Variants in MAGI2 observed in about 807,000 individuals in gnomAD.
MAGI2 encodes the protein membrane associated guanylate kinase, WW and PDZ domain containing 2.
MAGI2 carries 35 observed loss-of-function variants against 133.3 expected under a neutral mutation model. The observed-to-expected ratio is 0.26, with a 90% CI of 0.20 to 0.35. The LOEUF is 0.35. Among genes scored for constraint, MAGI2 ranks in the 10% least tolerant of loss-of-function variants. The pLI, the probability that MAGI2 is intolerant of heterozygous loss-of-function variation, is 1.00. For synonymous variants in MAGI2, 729 were observed against 710.6 expected (o/e 1.03, Z -0.41); for missense variants, 1,636 against 1,863.4 (o/e 0.88, Z 2.25).
In MAGI2 at chr7:79,453,548, G is replaced by A; in HGVS notation, c.-228C>T. 7.6e-7 allele frequency: 1 copy of A among 1,314,502 alleles called. No individual in the cohort carries two copies. The highest frequency in any genetic ancestry group is 9.7e-7 in the Non-Finnish European group (1 of 1,034,724). 81.4% of individuals were successfully genotyped at this position (1,314,502 alleles called of 1,614,324 possible). Reference sequence around the variant, plus strand: ...GGTAGGAGAGCTTGGATGAGGTTGTGCTGTCCCTTGAATGACACTCAAGGC... The same window carrying A: ...GGTAGGAGAGCTTGGATGAGGTTGTACTGTCCCTTGAATGACACTCAAGGC... On this transcript the variant is annotated 5_prime_UTR_variant, in exon 1 of 22. Transcript: ENST00000354212.
At chr7:78,600,432 T>C (rs1452431807) in intron 3 of MAGI2, among the ~76,000 whole-genome samples, 2 of 152,032 alleles carry the variant, frequency 1.3e-5, no homozygotes, top group African/African-American at 2.4e-5. Context: ...GAAATAAAAA[T>C]ATGATGCCAT....
At chr7:78,622,101 G>C (rs1214477266) in intron 3 of MAGI2, among the ~76,000 whole-genome samples, 2 of 151,958 alleles carry the variant, frequency 1.3e-5, no homozygotes, top group Non-Finnish European at 2.9e-5. Context: ...GACAATAAAT[G>C]CACCAATTTT....
chr7:78,236,686 T>A (rs1790575791), intron 10 of MAGI2, among the ~76,000 whole-genome samples: 1 of 152,162 alleles, frequency 6.6e-6, no homozygotes, highest in South Asian at 2.1e-4. Flanking sequence ...TGTTAGAAAC[T>A]GGGGTAAATA....
chr7:78,296,207 A>T (rs1162689606), intron 9 of MAGI2, among the ~76,000 whole-genome samples: 2 of 152,174 alleles, frequency 1.3e-5, no homozygotes, highest in Non-Finnish European at 2.9e-5. Context: ...ATTACTCATC[A>T]TGTTTAGAAT....
At position 78,936,267 on chromosome 7, in the gene MAGI2, G is replaced by T. The variant is rs1017761225; in HGVS notation, c.418+70823C>A. 2.6e-5 allele frequency among the ~76,000 whole-genome samples: 4 copies of T among 151,896 alleles called. No homozygotes were observed. The East Asian group carries it at 7.8e-4, about 30-fold the overall frequency. On this transcript the variant is annotated intron_variant, in intron 2 of 21. Coordinates refer to ENST00000354212, the MANE Select transcript of MAGI2 (RefSeq NM_012301.4). Reference sequence around the variant, plus strand: ...AATCAATAATAATTATTCATCAAATGATCATTACTTGGCACCATGCTAAGC... The same window carrying T: ...AATCAATAATAATTATTCATCAAATTATCATTACTTGGCACCATGCTAAGC...
chr7:78,298,696 G>A (rs959412869), intron 9 of MAGI2, among the ~76,000 whole-genome samples: 1 of 151,870 alleles, frequency 6.6e-6, no homozygotes, highest in Non-Finnish European at 1.5e-5. Context: ...TATAGATGGG[G>A]TCTTGCCATG....
intron 3 of MAGI2, among the ~76,000 whole-genome samples, chr7:78,579,586 T>A (rs1239700155): frequency 6.6e-6 from 1 of 152,202 alleles, no homozygotes; most frequent in Non-Finnish European, 1.5e-5. Flanking sequence ...CTTCACTAAC[T>A]AGCCTTTTTA....
chr7:78,234,014 G>A (rs66486314), intron 10 of MAGI2, among the ~76,000 whole-genome samples: 44,450 of 152,028 alleles, frequency 0.29, 7,555 homozygotes, highest in Non-Finnish European at 0.37. Flanking sequence ...TTCATTTTAT[G>A]TTCTTTATAT....
intron 1 of MAGI2, among the ~76,000 whole-genome samples, chr7:79,084,513 T>C (rs965236123): frequency 6.6e-6 from 1 of 151,790 alleles, no homozygotes; most frequent in Non-Finnish European, 1.5e-5. Context: ...TTTAAGAAAA[T>C]ATGTTAAATG....
intron 9 of MAGI2, among the ~76,000 whole-genome samples, chr7:78,343,399 G>A (rs1244241460): frequency 6.6e-6 from 1 of 152,100 alleles, no homozygotes; most frequent in East Asian, 1.9e-4. Flanking sequence ...GGGTGATATA[G>A]CATGAGAATA....
chr7:78,297,619 C>T (rs1432844455), intron 9 of MAGI2, among the ~76,000 whole-genome samples: 1 of 151,256 alleles, frequency 6.6e-6, no homozygotes, highest in Non-Finnish European at 1.5e-5. Flanking sequence ...GAAAATGTGG[C>T]ACATATGCAC....
At position 79,040,113 on chromosome 7, in the gene MAGI2, G is replaced by A. The variant is rs1254692125; in HGVS notation, c.302-32907C>T. ...TAGGTCAAGGGAGAGACCAGGTGGA[G>A]GTAATTGAGTCATGGGGGTGGTTTC... On this transcript the variant is annotated intron_variant, in intron 1 of 21. Coordinates refer to ENST00000354212, the MANE Select transcript of MAGI2 (RefSeq NM_012301.4). Among the ~76,000 whole-genome samples the A allele has an allele frequency of 5.3e-5, 8 of 152,066 alleles. 1 individual carries two copies. The South Asian group carries it at 1.5e-3, about 28-fold the overall frequency.
chr7:78,998,501 C>A (rs1806539529), intron 2 of MAGI2, among the ~76,000 whole-genome samples: 1 of 152,124 alleles, frequency 6.6e-6, no homozygotes, highest in Non-Finnish European at 1.5e-5. Context: ...GAACCAATGG[C>A]TTCCAATTCT....
chr7:79,222,833 T>C (rs1478266666), intron 1 of MAGI2, among the ~76,000 whole-genome samples: 1 of 152,064 alleles, frequency 6.6e-6, no homozygotes, highest in African/African-American at 2.4e-5. Context: ...TGCATGTTTG[T>C]ATGTTGTTTC....
chr7:79,311,431 C>T (rs1198585321), intron 1 of MAGI2, among the ~76,000 whole-genome samples: 2 of 152,180 alleles, frequency 1.3e-5, no homozygotes, highest in African/African-American at 2.4e-5. Context: ...GGGCTGCATG[C>T]GGGCTGTGGG....
chr7:78,730,394 A>T (rs1235854937), intron 2 of MAGI2, among the ~76,000 whole-genome samples: 2 of 132,844 alleles, frequency 1.5e-5, no homozygotes, highest in Non-Finnish European at 3.2e-5. Flanking sequence ...CCTTTCTTCC[A>T]AGCCACTAAT....
chr7:78,323,110 G>A (rs1788188355), intron 9 of MAGI2, among the ~76,000 whole-genome samples: 1 of 150,804 alleles, frequency 6.6e-6, no homozygotes, highest in South Asian at 2.1e-4. Flanking sequence ...ATTTGAAGAA[G>A]GTTTTGCAGT....
intron 2 of MAGI2, among the ~76,000 whole-genome samples, chr7:78,767,918 T>C (rs1377379615): frequency 6.6e-6 from 1 of 152,224 alleles, no homozygotes; most frequent in Non-Finnish European, 1.5e-5. Context: ...TTAAATGTTG[T>C]TCAGGTAGCA....
chr7:78,275,155 G>T (rs1294269074), intron 9 of MAGI2, among the ~76,000 whole-genome samples: 2 of 152,200 alleles, frequency 1.3e-5, no homozygotes, highest in South Asian at 2.1e-4. Context: ...GGAGTGCATT[G>T]TTCCTCCTGG....
Sources: gnomAD v4.1 joint callset for allele counts (sites outside exome capture counted in the v4.1 genomes callset) on GRCh38, gnomAD v4.1.1 for gene constraint, MANE v1.5 for transcripts, NCBI Gene and HGNC (gene_info 2026-07-23, HGNC 2026-07-21) for gene names.